ARHGAP27: variants seen among roughly 807,000 people sequenced by gnomAD.
ARHGAP27 encodes Rho GTPase activating protein 27.
Under a neutral mutation model 102.0 loss-of-function variants are expected in ARHGAP27, and 53 were observed. The observed-to-expected ratio is 0.52, with a 90% confidence interval of 0.42 to 0.65. The LOEUF (loss-of-function observed/expected upper bound fraction) is 0.65. Among genes scored for constraint, ARHGAP27 ranks in the 30% least tolerant of loss-of-function variants. The probability of loss-of-function intolerance (pLI) is 0.00; values close to 1 mark genes in which losing one functional copy is unlikely to be tolerated. For synonymous variants in ARHGAP27, 525 were observed against 542.8 expected (o/e 0.97, Z 0.46); for missense variants, 1,117 against 1,256.2 (o/e 0.89, Z 1.68).
intron 4 of ARHGAP27, among the ~76,000 whole-genome samples, chr17:45,422,604 C>T (rs1476548558): frequency 2.0e-5 from 3 of 152,202 alleles, no homozygotes; most frequent in Non-Finnish European, 2.9e-5. Context: ...AGGGACACCA[C>T]GTAATGATAG....
rs1368337589 is a variant in ARHGAP27, at chr17:45,431,753, C to T, written c.-150-1G>A. 1 of 173,096 alleles carries T rather than the reference C, an allele frequency of 5.8e-6. No homozygotes were observed. Among genetic ancestry groups the T allele is most frequent in the Non-Finnish European group, 1.2e-5 (1 of 80,588 alleles). 10.7% of individuals were successfully genotyped at this position (173,096 alleles called of 1,614,324 possible). A position where few individuals can be genotyped will look rare whatever the true frequency, so the allele number is the denominator to read the frequency against. ...CCGGAGAGGCTGCGCGGAACAGGAG[C>T]TGGCAAGCAGAGCGAAGAGGGACAG... On this transcript the variant is annotated splice_acceptor_variant, in intron 2 of 19. Coordinates refer to ENST00000685559, the MANE Select transcript of ARHGAP27 (RefSeq NM_001282290.2). LOFTEE classifies it low-confidence loss of function (5UTR_SPLICE).
intron 4 of ARHGAP27, 69 bp downstream of exon 4, chr17:45,429,554 C>T: frequency 6.4e-7 from 1 of 1,565,396 alleles, no homozygotes; most frequent in Non-Finnish European, 8.6e-7. Context: ...TCTCCTTGCG[C>T]CCCGGCTCCG....
Position 45,398,009 on chromosome 17 carries a change from G to A in ARHGAP27, c.1782C>T (p.His594=), listed in dbSNP as rs138914274. The A allele has an allele frequency of 3.8e-5, 61 of 1,610,248 alleles. No homozygotes were observed. The African/African-American group carries it at 4.1e-4, about 11-fold the overall frequency. ...AGGTGCTGATGATGGCCTCCGAGTC[G>A]TGCTGGATCAGGTACTCAGAGCCAT... ...SRDGSEYLIQ[H]DSEAIISTWH... The change falls in exon 13 of 20, where the codon CAC becomes CAT. Residue 594 remains histidine, a synonymous_variant. Coordinates refer to ENST00000685559, the MANE Select transcript of ARHGAP27 (RefSeq NM_001282290.2).
chr17:45,420,626 C>G (rs1316429225), intron 4 of ARHGAP27, among the ~76,000 whole-genome samples: 2 of 152,058 alleles, frequency 1.3e-5, no homozygotes, highest in African/African-American at 2.4e-5. Context: ...AATACAAACT[C>G]TTAAGGAGAC....
chr17:45,415,223 TGATA>T (rs761961008), intron 4 of ARHGAP27, among the ~76,000 whole-genome samples: 14 of 152,190 alleles, frequency 9.2e-5, no homozygotes, highest in Non-Finnish European at 2.1e-4. Flanking sequence ...ACTTCCTTGA[TGATA>T]GATCTGGTCC....
At chr17:45,401,030 G>A (rs1034651671) in intron 12 of ARHGAP27, among the ~76,000 whole-genome samples, 1 of 151,908 alleles carries the variant, frequency 6.6e-6, no homozygotes, top group African/African-American at 2.4e-5. Flanking sequence ...GCCCAGAGAA[G>A]CCTTCAGAAT....
chr17:45,406,287 G>A (rs1188637921), intron 4 of ARHGAP27, among the ~76,000 whole-genome samples: 1 of 152,160 alleles, frequency 6.6e-6, no homozygotes, highest in East Asian at 1.9e-4. Context: ...CCATCACTAA[G>A]CCGTAAACTC....
At chr17:45,416,345 C>T (rs1304317054) in intron 4 of ARHGAP27, among the ~76,000 whole-genome samples, 5 of 151,916 alleles carry the variant, frequency 3.3e-5, no homozygotes, top group Admixed American at 2.0e-4. Flanking sequence ...TGAGCCACCG[C>T]GCCCAGCCTC....
intron 4 of ARHGAP27, chr17:45,410,262 G>A (rs1257595179): frequency 6.5e-7 from 1 of 1,533,116 alleles, no homozygotes; most frequent in Non-Finnish European, 8.7e-7. Context: ...TCTGCCTCCT[G>A]GTCACTTTGG....
At chr17:45,416,440 A>T (rs975284613) in intron 4 of ARHGAP27, among the ~76,000 whole-genome samples, 2 of 151,028 alleles carry the variant, frequency 1.3e-5, no homozygotes, top group Non-Finnish European at 3.0e-5. Flanking sequence ...CACGGCAAAT[A>T]TTGTTTTTTC....
chr17:45,400,720 TC>T (rs1380053627), intron 12 of ARHGAP27, among the ~76,000 whole-genome samples: 1 of 151,188 alleles, frequency 6.6e-6, no homozygotes, highest in Non-Finnish European at 1.5e-5. Flanking sequence ...ATTGAGACCA[TC>T]CTGGCCAACA....
chr17:45,407,641 A>C, intron 4 of ARHGAP27: 1 of 151,406 alleles, frequency 6.6e-6, no homozygotes, highest in African/African-American at 2.4e-5. Flanking sequence ...CAGCCTCCCA[A>C]GTAGCTGGCA....
chr17:45,423,041 T>G (rs1242667927), intron 4 of ARHGAP27, among the ~76,000 whole-genome samples: 3 of 151,660 alleles, frequency 2.0e-5, no homozygotes, highest in Non-Finnish European at 2.9e-5. Flanking sequence ...ATTAGCCCGG[T>G]GTGGTGGCGC....
At chr17:45,410,116 GAAGTATGAGCCCC>G in intron 4 of ARHGAP27, 1 of 1,274,564 alleles carries the variant, frequency 7.8e-7, no homozygotes, top group South Asian at 1.4e-5. Context: ...AAGAGAAAAG[GAAGTATGAGCCCC>G]AACTTCCAAG....
chr17:45,422,092 G>T (rs926807666), intron 4 of ARHGAP27, among the ~76,000 whole-genome samples: 1 of 152,166 alleles, frequency 6.6e-6, no homozygotes, highest in African/African-American at 2.4e-5. Context: ...GTTGAATCTG[G>T]CAGGCGGAGG....
At position 45,396,710 on chromosome 17, in the gene ARHGAP27, G is replaced by T. The variant is rs1052385323; in HGVS notation, c.2032C>A (p.Arg678=). 1.2e-6 allele frequency: 2 copies of T among 1,613,834 alleles called. No homozygotes were observed. The highest frequency in any genetic ancestry group is 2.2e-5 in the South Asian group (2 of 91,084). Residue 678 remains arginine (R), a synonymous_variant, in exon 15 of 20, where the codon CGG becomes AGG. Coordinates refer to ENST00000685559, the MANE Select transcript of ARHGAP27 (RefSeq NM_001282290.2). Reference sequence around the variant, plus strand: ...TCCCGCAGCGACTGCAGTGTGGGCCGCCTCTGGAGGAACTTGCGGAGCTTG... The same window carrying T: ...TCCCGCAGCGACTGCAGTGTGGGCCTCCTCTGGAGGAACTTGCGGAGCTTG... ...RHKLRKFLQR[R]PTLQSLREKG...
At chr17:45,398,729 G>A (rs1251426168) in intron 12 of ARHGAP27, among the ~76,000 whole-genome samples, 4 of 116,164 alleles carry the variant, frequency 3.4e-5, no homozygotes, top group Admixed American at 1.8e-4. Context: ...GCAAGACTCC[G>A]TCTCAAAAAA....
At chr17:45,425,662 G>A (rs1193066322) in intron 4 of ARHGAP27, 4 of 985,116 alleles carry the variant, frequency 4.1e-6, no homozygotes, top group Non-Finnish European at 4.8e-6. Flanking sequence ...TGTATAAGAA[G>A]GTGCAGCAGC....
rs562586251 is a variant in ARHGAP27, at chr17:45,425,354, G to T, written c.657+4269C>A. Among the ~76,000 whole-genome samples the T allele has an allele frequency of 3.9e-5, 6 of 152,234 alleles. 1 individual carries two copies. In the East Asian group the frequency reaches 1.2e-3, roughly 29 times the overall value. On this transcript the variant is annotated intron_variant, in intron 4 of 19. Transcript: ENST00000685559. ...AAAGTCCCCCTAGCTGGCCCCGAAG[G>T]GGGACAGGAGGGTCTGTCCCAAGGC...
Sources: allele counts gnomAD v4.1 joint callset (sites outside exome capture counted in the v4.1 genomes callset), GRCh38; gene constraint gnomAD v4.1.1; transcripts MANE v1.5; gene names NCBI Gene and HGNC (gene_info 2026-07-23, HGNC 2026-07-21).